Variants in FOXN3 observed in about 807,000 individuals in gnomAD.
FOXN3 encodes the protein forkhead box N3, also known as forkhead box protein N3.
A neutral mutation model predicts 38.4 loss-of-function variants in FOXN3; 7 were observed. The ratio of observed to expected loss-of-function variants is 0.18; its 90% CI spans 0.10 to 0.34. The LOEUF (loss-of-function observed/expected upper bound fraction) is 0.34. Among genes scored for constraint, FOXN3 ranks in the 10% least tolerant of loss-of-function variants. The pLI is 1.00. For missense variants in FOXN3, 456 were observed against 613.4 expected (o/e 0.74, Z 2.71); for synonymous variants, 230 against 242.2 (o/e 0.95, Z 0.47).
intron 2 of FOXN3, among the ~76,000 whole-genome samples, chr14:89,390,880 T>C (rs1890924971): frequency 6.6e-6 from 1 of 152,158 alleles, no homozygotes; most frequent in Non-Finnish European, 1.5e-5. Context: ...TCTCCCACAG[T>C]TCCTGTACTT....
intron 3 of FOXN3, among the ~76,000 whole-genome samples, chr14:89,287,749 TAAAAA>T (rs58930677): frequency 0.52 from 67,595 of 129,838 alleles, 17,153 homozygotes; most frequent in East Asian, 0.65. Flanking sequence ...TAAAGAATGC[TAAAAA>T]AAAAAAAAAA....
intron 1 of FOXN3, among the ~76,000 whole-genome samples, chr14:89,477,586 T>C (rs1893237428): frequency 6.6e-6 from 1 of 152,078 alleles, no homozygotes; most frequent in African/African-American, 2.4e-5. Context: ...GCCTTCTTCC[T>C]CGGGCAGAGC....
intron 1 of FOXN3, among the ~76,000 whole-genome samples, chr14:89,509,328 TG>T (rs577593913): frequency 2.5e-5 from 2 of 80,666 alleles, no homozygotes; most frequent in Non-Finnish European, 8.4e-5. Flanking sequence ...TTTTTTTTGT[TG>T]TTGTTTGTTT....
intron 3 of FOXN3, among the ~76,000 whole-genome samples, chr14:89,339,698 C>T (rs535183429): frequency 1.3e-5 from 2 of 152,314 alleles, no homozygotes; most frequent in East Asian, 3.9e-4. Context: ...TTTTTCATTT[C>T]TCTGCTTCCT....
intron 2 of FOXN3, chr14:89,354,969 T>C (rs1269998133): frequency 1.3e-5 from 2 of 152,012 alleles, no homozygotes; most frequent in Non-Finnish European, 2.9e-5. Flanking sequence ...TGCGTGTGTA[T>C]TCACACTCAC....
intron 1 of FOXN3, among the ~76,000 whole-genome samples, chr14:89,507,964 A>C (rs1893981248): frequency 6.6e-6 from 1 of 152,226 alleles, no homozygotes; most frequent in Admixed American, 6.5e-5. Flanking sequence ...TCATTCACCC[A>C]GAGTCCCTCA....
intron 4 of FOXN3, among the ~76,000 whole-genome samples, chr14:89,252,559 CAGG>C (rs1378029042): frequency 6.7e-6 from 1 of 150,060 alleles, no homozygotes; most frequent in Admixed American, 6.8e-5. Flanking sequence ...GAGGCTGAGG[CAGG>C]AGAATTGCTT....
chr14:89,330,171 G>A (rs554057430), intron 3 of FOXN3, among the ~76,000 whole-genome samples: 2 of 152,162 alleles, frequency 1.3e-5, no homozygotes, highest in Non-Finnish European at 2.9e-5. Flanking sequence ...ATTCTGACAG[G>A]GTGGCTGGAA....
At position 89,548,444 on chromosome 14, in the gene FOXN3, A is replaced by G. The variant is rs1007285769; in HGVS notation, c.-15+70584T>C. 2.1e-4 allele frequency among the ~76,000 whole-genome samples: 32 copies of G among 152,358 alleles called. No individual in the cohort carries two copies. Among genetic ancestry groups the G allele is most frequent in the Middle Eastern group, 3.4e-3 (1 of 294 alleles). On this transcript the variant is annotated intron_variant, in intron 1 of 6. Transcript: ENST00000345097. The surrounding 1 kb of genome is among the most constrained non-coding windows in gnomAD (Gnocchi z 4.8). Reference sequence around the variant, plus strand: ...AGGGTAACAGAGACGGAAAAATCAAAGCGGTAGATAATTTAAAAATTATTC... The same window carrying G: ...AGGGTAACAGAGACGGAAAAATCAAGGCGGTAGATAATTTAAAAATTATTC...
chr14:89,431,207 G>A (rs12435832), intron 1 of FOXN3, among the ~76,000 whole-genome samples: 3,748 of 152,052 alleles, frequency 0.025, 171 homozygotes, highest in African/African-American at 0.086. Context: ...TTGTTTGCTT[G>A]TTTCTTTGAG....
chr14:89,460,669 T>A (rs1217917097), intron 1 of FOXN3, among the ~76,000 whole-genome samples: 2 of 149,880 alleles, frequency 1.3e-5, no homozygotes, highest in Non-Finnish European at 2.9e-5. Flanking sequence ...ATCAATCAAT[T>A]ATTCTACAAG....
chr14:89,417,868 A>G, upstream of FOXN3: 1 of 418,058 alleles, frequency 2.4e-6, no homozygotes, highest in Non-Finnish European at 4.9e-6. Context: ...TTACAAGACA[A>G]GAGGCACCGT....
intron 2 of FOXN3, chr14:89,355,170 C>G (rs1889158936): frequency 6.8e-6 from 1 of 146,904 alleles, no homozygotes; most frequent in South Asian, 2.2e-4. Flanking sequence ...AACAAGAGCC[C>G]ATATTGTAGG....
chr14:89,184,721 G>T (rs1296387717), intron 4 of FOXN3, among the ~76,000 whole-genome samples: 1 of 152,204 alleles, frequency 6.6e-6, no homozygotes, highest in Non-Finnish European at 1.5e-5. Flanking sequence ...TACCTTGCAG[G>T]ATTGCTCTGG....
intron 4 of FOXN3, among the ~76,000 whole-genome samples, chr14:89,234,178 C>T (rs56154988): frequency 0.041 from 6,195 of 152,258 alleles, 275 homozygotes; most frequent in African/African-American, 0.11. Context: ...AGGGGTATTT[C>T]GTGTACTACG....
intron 5 of FOXN3, among the ~76,000 whole-genome samples, chr14:89,174,331 TA>T (rs1887464427): frequency 6.6e-6 from 1 of 152,068 alleles, no homozygotes; most frequent in Admixed American, 6.5e-5. Context: ...GCTAAAAAGG[TA>T]AAGGACGTCC....
At chr14:89,402,844 T>A (rs1891287425) in intron 2 of FOXN3, among the ~76,000 whole-genome samples, 1 of 152,200 alleles carries the variant, frequency 6.6e-6, no homozygotes, top group Non-Finnish European at 1.5e-5. Context: ...CCCTAGCTTG[T>A]TTAAATCATT....
chr14:89,242,203 T>C (rs997182617), intron 4 of FOXN3, among the ~76,000 whole-genome samples: 2 of 152,162 alleles, frequency 1.3e-5, no homozygotes, highest in African/African-American at 4.8e-5. Flanking sequence ...GGTGCCCGCG[T>C]TCCTGGCAGC....
At chr14:89,485,018 G>A (rs1423709459) in intron 1 of FOXN3, among the ~76,000 whole-genome samples, 1 of 152,024 alleles carries the variant, frequency 6.6e-6, no homozygotes. Flanking sequence ...CGGGCGTGGT[G>A]GTGGACGTCT....
Sources: gnomAD v4.1 joint callset for allele counts (sites outside exome capture counted in the v4.1 genomes callset) on GRCh38, gnomAD v4.1.1 for gene constraint, Gnocchi (gnomAD v3.1) non-coding constraint, MANE v1.5 for transcripts, NCBI Gene and HGNC (gene_info 2026-07-23, HGNC 2026-07-21) for gene names.